The following DMKN variants were observed in gnomAD, a reference collection of about 807,000 sequenced individuals.
DMKN encodes epidermis-specific secreted protein SK30/SK89.
In DMKN, 58 loss-of-function variants were observed where a neutral mutation model predicts 67.6. The observed-to-expected ratio is 0.86, with a 90% CI of 0.69 to 1.07. The LOEUF (loss-of-function observed/expected upper bound fraction) is 1.07. DMKN is among the 50% of genes least tolerant of loss of function. DMKN has a pLI of 0.00. For missense variants in DMKN, 596 were observed against 601.5 expected (o/e 0.99, Z 0.10); for synonymous variants, 240 against 232.3 (o/e 1.03, Z -0.30).
intron 5 of DMKN, 62 bp from the exon 6 acceptor site, chr19:35,510,314 C>G (rs1461770925): frequency 1.3e-6 from 2 of 1,556,218 alleles, no homozygotes; most frequent in Non-Finnish European, 1.7e-6. Context: ...CCCAGTCGTT[C>G]CCAGCGGTGT....
chr19:35,510,358 T>C, intron 5 of DMKN, 106 bp from the exon 6 acceptor site: 1 of 1,552,526 alleles, frequency 6.4e-7, no homozygotes, highest in Non-Finnish European at 8.7e-7. Flanking sequence ...CAGATTCCAG[T>C]CCTCTTTCCA....
At chr19:35,504,863 C>T (rs1057496661) in intron 9 of DMKN, among the ~76,000 whole-genome samples, 10 of 151,128 alleles carry the variant, frequency 6.6e-5, no homozygotes, top group African/African-American at 2.2e-4. Flanking sequence ...ATTCCCAACA[C>T]CCCCCACCTG....
In DMKN at chr19:35,503,539, G is replaced by A. The variant is rs989870599; in HGVS notation, c.1135-653C>T. 2.3e-5 allele frequency: 34 copies of A among 1,498,644 alleles called. No homozygotes were observed. In the Admixed American group the frequency reaches 2.6e-4, roughly 12 times the overall value. The allele number at this position is 1,498,644 out of a possible 1,614,324, so 92.8% of individuals were successfully genotyped here. On this transcript the variant is annotated intron_variant, in intron 9 of 15. Transcript: ENST00000339686. The stretch of plus-strand genomic sequence containing the variant: ...CGCCCAGGCTGGAGTGCAGTGGCAC[G>A]ATATCAGCTCACCGCAACCTCCGCT...
chr19:35,511,337 C>G, intron 5 of DMKN, 74 bp downstream of exon 5: 4 of 1,593,020 alleles, frequency 2.5e-6, no homozygotes, highest in Non-Finnish European at 3.4e-6. Context: ...TTCAGAGAAA[C>G]TTGGAGCCCT....
chr19:35,512,347 T>C (rs537903533), intron 3 of DMKN, 74 bp downstream of exon 3: 1 of 1,566,628 alleles, frequency 6.4e-7, no homozygotes. Flanking sequence ...CTTGCTTTCC[T>C]CTTTGTCTTT....
chr19:35,502,401 A>C (rs533253118), intron 10 of DMKN, among the ~76,000 whole-genome samples: 25 of 152,168 alleles, frequency 1.6e-4, no homozygotes, highest in African/African-American at 5.1e-4. Flanking sequence ...CTGTCTCAAA[A>C]ATGAAGAGGG....
chr19:35,506,946 G>A (rs1386138091), intron 7 of DMKN: 2 of 196,878 alleles, frequency 1.0e-5, no homozygotes, highest in South Asian at 8.2e-5. Context: ...TGGGATTACA[G>A]GTGTGAGCCA....
Position 35,511,611 on chromosome 19 carries a change from A to G in DMKN, c.736-18T>C, listed in dbSNP as rs1600084837. ...CTGCCTCCCTGAGGGGCAGGAAGGG[A>G]GCAGGGCTGGGATTAAAGACAGAGC... On this transcript the variant is annotated intron_variant, in intron 4 of 15. Coordinates refer to ENST00000339686, the MANE Select transcript of DMKN (RefSeq NM_033317.5). The G allele has an allele frequency of 6.2e-7, 1 of 1,610,698 alleles. No individual in the cohort carries two copies.
intron 7 of DMKN, chr19:35,508,264 C>G: frequency 6.4e-7 from 1 of 1,551,916 alleles, no homozygotes; most frequent in Non-Finnish European, 8.7e-7. Context: ...CAAAGAAACA[C>G]AGACCCCTGC....
intron 9 of DMKN, chr19:35,503,563 C>T: frequency 2.8e-6 from 4 of 1,429,978 alleles, no homozygotes; most frequent in African/African-American, 1.4e-5. Context: ...GCAACCTCCG[C>T]TTCCCAGGTT....
chr19:35,504,005 G>T (rs2068943370), intron 9 of DMKN, among the ~76,000 whole-genome samples: 1 of 152,092 alleles, frequency 6.6e-6, no homozygotes, highest in South Asian at 2.1e-4. Flanking sequence ...GAAGTCCTCA[G>T]CTCCCTCACC....
intron 15 of DMKN, 114 bp from the exon 16 acceptor site, chr19:35,497,652 C>A (rs139832077): frequency 6.6e-6 from 1 of 152,512 alleles, no homozygotes; most frequent in African/African-American, 2.4e-5. Flanking sequence ...CCTACCTGTT[C>A]GCCTGTGGTG....
chr19:35,511,837 G>GT lies in DMKN; in HGVS notation c.685-25dup, dbSNP rs757136704. 5.0e-6 allele frequency: 8 copies of GT among 1,606,414 alleles called. No homozygotes were observed. In the African/African-American group the frequency reaches 1.1e-4, roughly 21 times the overall value. On this transcript the variant is annotated intron_variant, in intron 3 of 15. Coordinates refer to ENST00000339686, the MANE Select transcript of DMKN (RefSeq NM_033317.5). The stretch of plus-strand genomic sequence containing the variant: ...CACTGTCGAGGGAAAGGGATGGTGA[G>GT]TTTGGGGACGGTGAGTTTGGAGACG...
At position 35,498,883 on chromosome 19, in the gene DMKN, A is replaced by G. The variant is rs763096533; in HGVS notation, c.1374T>C (p.Pro458=). 42 of 1,614,050 alleles carry G rather than the reference A, an allele frequency of 2.6e-5. No homozygotes were observed. Among genetic ancestry groups the G allele is most frequent in the Admixed American group, 5.0e-5 (3 of 59,996 alleles). ...VKTPAKGGVS[P]SSSASRVQPG... is the part of the protein sequence containing the mutation. ...AGGCCCCCATACTCACCGAGGAAGA[A>G]GGTGAGACTCCCCCCTGCAAAAAGA... Residue 458 remains proline, a synonymous_variant, in exon 14 of 16, where the codon CCT becomes CCC. Coordinates refer to ENST00000339686, the MANE Select transcript of DMKN (RefSeq NM_033317.5).
chr19:35,507,233 C>A, intron 7 of DMKN: 1 of 469,006 alleles, frequency 2.1e-6, no homozygotes. Context: ...TCTCCCCTTA[C>A]AAAAGTAACA....
At chr19:35,507,198 A>G (rs775878750) in intron 7 of DMKN, 4 of 389,178 alleles carry the variant, frequency 1.0e-5, no homozygotes, top group Non-Finnish European at 1.9e-5. Context: ...CCCCTTGACC[A>G]TTCTTCTGTT....
chr19:35,507,304 T>C (rs375574634), intron 7 of DMKN: 81 of 614,170 alleles, frequency 1.3e-4, no homozygotes, highest in Admixed American at 1.2e-4. Flanking sequence ...GAGATGGGGA[T>C]CCCAGAACCC....
At chr19:35,500,733 TA>T (rs2068214665) in intron 11 of DMKN, among the ~76,000 whole-genome samples, 153 bp from the exon 12 acceptor site, 2 of 152,172 alleles carry the variant, frequency 1.3e-5, no homozygotes, top group Non-Finnish European at 2.9e-5. Context: ...CCCAGATAGA[TA>T]GAAGACAGAT....
At chr19:35,500,466 C>A in intron 12 of DMKN, 67 bp downstream of exon 12, 1 of 1,571,636 alleles carries the variant, frequency 6.4e-7, no homozygotes, top group Non-Finnish European at 8.6e-7. Context: ...TTCAGATTGC[C>A]CAGACCCGGG....
Sources: allele counts gnomAD v4.1 joint callset (sites outside exome capture counted in the v4.1 genomes callset), GRCh38; gene constraint gnomAD v4.1.1; transcripts MANE v1.5; gene names NCBI Gene and HGNC (gene_info 2026-07-23, HGNC 2026-07-21).